LINGO2: variants seen among roughly 807,000 people sequenced by gnomAD.
The protein encoded by LINGO2 is leucine-rich repeat and immunoglobulin-like domain-containing nogo receptor-interacting protein 2.
In LINGO2, 14 loss-of-function variants were observed where a neutral mutation model predicts 30.6. The observed-to-expected ratio is 0.46, with a 90% CI of 0.30 to 0.72. The LOEUF is 0.72. Among genes scored for constraint, LINGO2 ranks in the 30% least tolerant of loss-of-function variants. The pLI is 0.07. For synonymous variants in LINGO2, 317 were observed against 288.5 expected (o/e 1.10, Z -1.00); for missense variants, 729 against 751.7 (o/e 0.97, Z 0.35).
chr9:28,122,664 A>G (rs1827131715), intron 4 of LINGO2, among the ~76,000 whole-genome samples: 1 of 152,192 alleles, frequency 6.6e-6, no homozygotes, highest in Admixed American at 6.5e-5. Context: ...CTGGGAATTA[A>G]AAGCAACCTA....
At chr9:29,149,508 C>T in the LINGO2 span, among the ~76,000 whole-genome samples, 159 of 151,976 alleles carry the variant, frequency 1.0e-3, 4 homozygotes, top group East Asian at 0.015. Flanking sequence ...AGAGAGGCAA[C>T]GCGGGCACCG....
chr9:28,117,445 C>A (rs58167005), intron 4 of LINGO2, among the ~76,000 whole-genome samples: 3 of 105,050 alleles, frequency 2.9e-5, no homozygotes, highest in African/African-American at 7.5e-5. Flanking sequence ...CCACCCAGTT[C>A]GAGCTTCCCG....
At chr9:28,513,109 A>G (rs1820480126) in intron 1 of LINGO2, among the ~76,000 whole-genome samples, 1 of 151,622 alleles carries the variant, frequency 6.6e-6, no homozygotes, top group Non-Finnish European at 1.5e-5. Flanking sequence ...ACACACACAC[A>G]CACACACACA....
chr9:28,060,627 G>A (rs1277525954), intron 4 of LINGO2, among the ~76,000 whole-genome samples: 1 of 152,112 alleles, frequency 6.6e-6, no homozygotes, highest in Admixed American at 6.6e-5. Context: ...TCAACGACAG[G>A]CTAACTTTCC....
At chr9:28,543,340 T>C (rs2135470602) in intron 1 of LINGO2, among the ~76,000 whole-genome samples, 1 of 152,250 alleles carries the variant, frequency 6.6e-6, no homozygotes, top group East Asian at 1.9e-4. Flanking sequence ...AAGAGAAAGT[T>C]TTAAGGTCTA....
At chr9:29,061,828 G>A in the LINGO2 span, among the ~76,000 whole-genome samples, 1 of 151,922 alleles carries the variant, frequency 6.6e-6, no homozygotes, top group African/African-American at 2.4e-5. Context: ...AGATAAACTG[G>A]ACTTAATCAA....
At chr9:28,378,621 G>A (rs998491552) in intron 2 of LINGO2, among the ~76,000 whole-genome samples, 1 of 152,090 alleles carries the variant, frequency 6.6e-6, no homozygotes, top group African/African-American at 2.4e-5. Context: ...CGGAACTGTT[G>A]AGTTAGGCTT....
chr9:28,826,710 A>T, the LINGO2 span, among the ~76,000 whole-genome samples: 1 of 152,230 alleles, frequency 6.6e-6, no homozygotes, highest in Non-Finnish European at 1.5e-5. Flanking sequence ...TCTGAATAAG[A>T]CAACAAAGTC....
upstream of LINGO2, among the ~76,000 whole-genome samples, chr9:28,671,658 G>T (rs960190790): frequency 6.6e-6 from 1 of 151,884 alleles, no homozygotes; most frequent in Non-Finnish European, 1.5e-5. Context: ...AGGAGGGAAA[G>T]AATCAAAAAA....
At chr9:28,040,657 C>G (rs188023781) in intron 4 of LINGO2, among the ~76,000 whole-genome samples, 1 of 152,080 alleles carries the variant, frequency 6.6e-6, no homozygotes, top group Non-Finnish European at 1.5e-5. Flanking sequence ...TGTCTACTAC[C>G]TAATAGCTGC....
the LINGO2 span, among the ~76,000 whole-genome samples, chr9:28,983,318 C>CAAAAAA: frequency 1.5e-5 from 2 of 130,986 alleles, no homozygotes; most frequent in Admixed American, 7.6e-5. Flanking sequence ...ATGAGGTATC[C>CAAAAAA]AAAAAAAAAA....
At chr9:28,372,165 C>T (rs2134575108) in intron 3 of LINGO2, among the ~76,000 whole-genome samples, 1 of 152,178 alleles carries the variant, frequency 6.6e-6, no homozygotes, top group Middle Eastern at 3.4e-3. Flanking sequence ...CACAATTTTG[C>T]TACAGATTGA....
chr9:28,054,892 C>G (rs539885120), intron 4 of LINGO2, among the ~76,000 whole-genome samples: 2 of 152,192 alleles, frequency 1.3e-5, no homozygotes, highest in Non-Finnish European at 2.9e-5. Context: ...TATCCAAGCA[C>G]TACTTTCACA....
chr9:29,104,830 T>C, the LINGO2 span, among the ~76,000 whole-genome samples: 2 of 152,132 alleles, frequency 1.3e-5, no homozygotes, highest in African/African-American at 4.8e-5. Flanking sequence ...CTTATGAAGG[T>C]CAAATTTCTA....
chr9:27,978,970 A>G (rs1200024073), intron 5 of LINGO2, among the ~76,000 whole-genome samples: 1 of 152,070 alleles, frequency 6.6e-6, no homozygotes, highest in Non-Finnish European at 1.5e-5. Flanking sequence ...TCTCTGTTTT[A>G]TAAAAGAGTT....
intron 2 of LINGO2, among the ~76,000 whole-genome samples, chr9:28,396,253 A>G (rs10968558): frequency 0.21 from 31,507 of 152,202 alleles, 3,549 homozygotes; most frequent in Middle Eastern, 0.33. Flanking sequence ...GCTGCGAGTT[A>G]CAAGTGCTAT....
intron 1 of LINGO2, among the ~76,000 whole-genome samples, chr9:28,548,925 T>C (rs1822111973): frequency 6.6e-6 from 1 of 151,880 alleles, no homozygotes; most frequent in African/African-American, 2.4e-5. Context: ...TTGGGTAATA[T>C]TCCAAAAATG....
intron 4 of LINGO2, among the ~76,000 whole-genome samples, chr9:28,160,464 G>T (rs1019504216): frequency 6.6e-6 from 1 of 152,116 alleles, no homozygotes; most frequent in Non-Finnish European, 1.5e-5. Context: ...CTAATTATCT[G>T]CTACCTTTCT....
chr9:28,682,301 G>A, the LINGO2 span, among the ~76,000 whole-genome samples: 2 of 152,242 alleles, frequency 1.3e-5, no homozygotes, highest in Middle Eastern at 6.8e-3. Flanking sequence ...TTAACACAGT[G>A]GTCTTTCCTG....
Sources: allele counts gnomAD v4.1 joint callset (sites outside exome capture counted in the v4.1 genomes callset), GRCh38; gene constraint gnomAD v4.1.1; transcripts MANE v1.5; gene names NCBI Gene and HGNC (gene_info 2026-07-23, HGNC 2026-07-21).